MROH7: variants seen among roughly 807,000 people sequenced by gnomAD.
MROH7 encodes the protein maestro heat-like repeat-containing protein family member 7.
MROH7 carries 113 observed loss-of-function variants against 129.2 expected under a neutral mutation model. The observed-to-expected ratio is 0.87, with a 90% CI of 0.75 to 1.02. The LOEUF is 1.02. Ranked by LOEUF, MROH7 falls within the 50% of genes least tolerant of loss-of-function variation. MROH7 has a pLI of 0.00. For missense variants in MROH7, 1,601 were observed against 1,671.3 expected (o/e 0.96, Z 0.73); for synonymous variants, 655 against 667.9 (o/e 0.98, Z 0.30).
At chr1:54,665,071 T>A in intron 3 of MROH7, 96 bp from the exon 4 acceptor site, 1 of 876,804 alleles carries the variant, frequency 1.1e-6, no homozygotes, top group Non-Finnish European at 1.9e-6. Flanking sequence ...GGGGTAAGGA[T>A]TGGAGGTGCC....
At chr1:54,671,550 GA>G (rs934919702) in intron 7 of MROH7, among the ~76,000 whole-genome samples, 1 of 152,220 alleles carries the variant, frequency 6.6e-6, no homozygotes, top group Non-Finnish European at 1.5e-5. Flanking sequence ...CAGACTGGGG[GA>G]ACTGGGGATG....
At chr1:54,705,817 C>T (rs907538351) in intron 21 of MROH7, among the ~76,000 whole-genome samples, 1 of 152,150 alleles carries the variant, frequency 6.6e-6, no homozygotes, top group African/African-American at 2.4e-5. Context: ...ACACATAGGT[C>T]GTCAACAGGA....
At chr1:54,704,790 G>A (rs1049923007) in intron 21 of MROH7, among the ~76,000 whole-genome samples, 1 of 78,068 alleles carries the variant, frequency 1.3e-5, no homozygotes, top group Non-Finnish European at 2.3e-5. Flanking sequence ...ATTCAATGTA[G>A]CTCTTTTTTT....
Position 54,653,905 on chromosome 1 carries a change from A to G in MROH7, c.979A>G (p.Met327Val). The G allele has an allele frequency of 1.9e-6, 3 of 1,613,990 alleles. No individual in the cohort carries two copies. The highest frequency in any genetic ancestry group is 1.1e-5 in the South Asian group (1 of 91,064). Reference protein sequence around the residue: ...PNSTISPPSCMTLILGSNETL... With the variant: ...PNSTISPPSCVTLILGSNETL... ...CTCCACCATCTCTCCACCCTCATGC[A>G]TGACTCTAATCCTGGGTTCCAATGA... Residue 327 changes from methionine to valine, a missense_variant, in exon 3 of 24, where the codon ATG becomes GTG. Coordinates refer to ENST00000421030, the MANE Select transcript of MROH7 (RefSeq NM_001039464.4).
rs781677684 is a variant in MROH7, at chr1:54,673,794, C to T, written c.1789C>T (p.Leu597=). 5 of 1,613,840 alleles carry T rather than the reference C, an allele frequency of 3.1e-6. No homozygotes were observed. The South Asian group carries it at 5.5e-5, about 18-fold the overall frequency. The change falls in exon 9 of 24, where the codon CTG becomes TTG. Residue 597 remains leucine, a synonymous_variant. Transcript: ENST00000421030. Reference sequence around the variant, plus strand: ...TGTGTTGAACCACATGCTTCTAACTCTGCCTTTCTTTGTGAGTGGCCCCTG... The same window carrying T: ...TGTGTTGAACCACATGCTTCTAACTTTGCCTTTCTTTGTGAGTGGCCCCTG... ...VSVLNHMLLT[L]PFFMPLGFPA...
At chr1:54,661,962 AATAC>A (rs1242035759) in intron 3 of MROH7, among the ~76,000 whole-genome samples, 4 of 152,148 alleles carry the variant, frequency 2.6e-5, no homozygotes, top group African/African-American at 9.6e-5. Context: ...TCACACCTGT[AATAC>A]ATAGCACTTT....
Position 54,706,471 on chromosome 1 carries a change from A to G in MROH7, c.3601A>G (p.Ser1201Gly), listed in dbSNP as rs373580045. The G allele has an allele frequency of 1.2e-5, 19 of 1,613,122 alleles. No individual in the cohort carries two copies. The African/African-American group carries it at 2.3e-4, about 19-fold the overall frequency. The change falls in exon 22 of 24, where the codon AGC (serine) becomes GGC (glycine). Residue 1201 changes from serine to glycine, a missense_variant. Transcript: ENST00000421030. ...CCGAGACAGCGCCTTCATATTCCTC[A>G]GCCAGAGCCTGGAGTATGCCAAGAA... is the stretch of plus-strand genomic sequence containing the variant. Reference protein sequence around the residue: ...THRDSAFIFLSQSLEYAKNSR... With the variant: ...THRDSAFIFLGQSLEYAKNSR...
At chr1:54,645,803 C>A (rs1013550415) in intron 1 of MROH7, among the ~76,000 whole-genome samples, 4 of 151,814 alleles carry the variant, frequency 2.6e-5, no homozygotes. Context: ...CAGGCGCACA[C>A]CACCACACCT....
At chr1:54,677,289 C>T (rs1644997646) in intron 10 of MROH7, among the ~76,000 whole-genome samples, 1 of 152,176 alleles carries the variant, frequency 6.6e-6, no homozygotes, top group Admixed American at 6.5e-5. Context: ...GTCCCCACTA[C>T]TTGAGAGGCT....
intron 10 of MROH7, among the ~76,000 whole-genome samples, chr1:54,675,373 G>T (rs1644964556): frequency 6.6e-6 from 1 of 152,176 alleles, no homozygotes; most frequent in African/African-American, 2.4e-5. Flanking sequence ...TTGTCATGTA[G>T]TTCACTTTTT....
At chr1:54,678,925 G>T in intron 11 of MROH7, 71 bp downstream of exon 11, 1 of 1,238,672 alleles carries the variant, frequency 8.1e-7, no homozygotes. Flanking sequence ...TGGCCCCAAA[G>T]CTTTCTTCCC....
chr1:54,645,008 C>T (rs768723565), intron 1 of MROH7, among the ~76,000 whole-genome samples: 15 of 151,782 alleles, frequency 9.9e-5, no homozygotes, highest in Non-Finnish European at 2.2e-4. Flanking sequence ...CGGGGTTTCA[C>T]CATGTTAGCC....
chr1:54,682,708 G>A lies in MROH7; in HGVS notation c.2434G>A (p.Val812Ile), dbSNP rs1645089279. The A allele has an allele frequency of 6.2e-7, 1 of 1,614,054 alleles. No homozygotes were observed. The highest frequency in any genetic ancestry group is 8.5e-7 in the Non-Finnish European group (1 of 1,180,032). Residue 812 changes from valine to isoleucine, a missense_variant, in exon 14 of 24, where the codon GTC (valine) becomes ATC (isoleucine). Coordinates refer to ENST00000421030, the MANE Select transcript of MROH7 (RefSeq NM_001039464.4). ...GATACTGTGTAAGCCCAGCTGTGAT[G>A]TCCGAGACCTCCTGGATCTGCTCCT... is the stretch of plus-strand genomic sequence containing the variant. ...QLILCKPSCDVRDLLDLLLGS... is the reference protein window; with the variant it reads ...QLILCKPSCDIRDLLDLLLGS...
chr1:54,657,889 G>A (rs1449793145), intron 3 of MROH7, among the ~76,000 whole-genome samples: 1 of 151,930 alleles, frequency 6.6e-6, no homozygotes, highest in East Asian at 1.9e-4. Context: ...TCAAACTCCT[G>A]ACCTCAGGTG....
rs754821479 is a variant in MROH7, at chr1:54,692,478, G to A, written c.2766G>A (p.Glu922=). The stretch of plus-strand genomic sequence containing the variant: ...TACTGAGGATGGGCTGCTCTTATGA[G>A]ACCACGTTTCTGGAGGACCAGGGTG... ...TLLLRMGCSY[E]TTFLEDQGGW... Residue 922 remains glutamate (E), a synonymous_variant, in exon 16 of 24, where the codon GAG becomes GAA. Transcript: ENST00000421030. The A allele has an allele frequency of 4.3e-6, 7 of 1,614,034 alleles. No homozygotes were observed. Among genetic ancestry groups the A allele is most frequent in the Admixed American group, 1.7e-5 (1 of 60,014 alleles).
intron 21 of MROH7, among the ~76,000 whole-genome samples, chr1:54,704,529 AG>A (rs1645496498): frequency 1.4e-5 from 2 of 142,936 alleles, no homozygotes; most frequent in South Asian, 4.4e-4. Context: ...CCTCCACCTT[AG>A]GGGGTTCAAG....
At chr1:54,673,859 G>A (rs925965661) in intron 9 of MROH7, 54 bp downstream of exon 9, 25 of 1,550,674 alleles carry the variant, frequency 1.6e-5, no homozygotes, top group Non-Finnish European at 2.0e-5. Context: ...TCCCACTTCT[G>A]AAGGAGCCCG....
intron 21 of MROH7, among the ~76,000 whole-genome samples, chr1:54,704,429 ATTTTTTTT>A (rs34380712): frequency 8.9e-6 from 1 of 112,284 alleles, no homozygotes; most frequent in Non-Finnish European, 1.8e-5. Context: ...CTAGAAACCT[ATTTTTTTT>A]TTTTTTTTTT....
intron 18 of MROH7, 29 bp downstream of exon 18, chr1:54,700,490 C>G: frequency 1.3e-6 from 2 of 1,545,192 alleles, no homozygotes; most frequent in Non-Finnish European, 1.7e-6. Flanking sequence ...AAAGCCTGGC[C>G]CAGCCAGGCC....
Sources: allele counts gnomAD v4.1 joint callset (sites outside exome capture counted in the v4.1 genomes callset), GRCh38; gene constraint gnomAD v4.1.1; transcripts MANE v1.5; gene names NCBI Gene and HGNC (gene_info 2026-07-23, HGNC 2026-07-21).